CDH4: variants seen among roughly 807,000 people sequenced by gnomAD.
CDH4 encodes cadherin 4.
In CDH4, 33 loss-of-function variants were observed where a neutral mutation model predicts 86.0. The observed-to-expected ratio is 0.38, with a 90% confidence interval of 0.29 to 0.51. The LOEUF (loss-of-function observed/expected upper bound fraction) is 0.51. Ranked by LOEUF, CDH4 falls within the 20% of genes least tolerant of loss-of-function variation. The pLI is 0.86. For synonymous variants in CDH4, 555 were observed against 549.4 expected (o/e 1.01, Z -0.14); for missense variants, 1,114 against 1,307.4 (o/e 0.85, Z 2.28).
chr20:61,718,000 A>G (rs2087983662), intron 2 of CDH4: 1 of 152,394 alleles, frequency 6.6e-6, no homozygotes, highest in Non-Finnish European at 1.5e-5. Context: ...GTCCCCTACA[A>G]CCTCACACAT....
intron 2 of CDH4, among the ~76,000 whole-genome samples, chr20:61,615,793 G>A (rs981172993): frequency 3.3e-5 from 5 of 152,184 alleles, no homozygotes; most frequent in Non-Finnish European, 7.3e-5. Flanking sequence ...TTGCACTTCC[G>A]GATTTTGGGT....
chr20:61,566,051 G>C (rs917000538), intron 2 of CDH4, among the ~76,000 whole-genome samples: 1 of 152,228 alleles, frequency 6.6e-6, no homozygotes, highest in Non-Finnish European at 1.5e-5. Flanking sequence ...CAGTGCCACA[G>C]CCGGTGGGTC....
intron 6 of CDH4, among the ~76,000 whole-genome samples, chr20:61,865,916 T>G (rs1983529290): frequency 6.6e-6 from 1 of 152,196 alleles, no homozygotes; most frequent in African/African-American, 2.4e-5. Context: ...CTTAGTTTCC[T>G]GGGCTGCTTA....
chr20:61,562,440 G>A (rs185734833), intron 2 of CDH4, among the ~76,000 whole-genome samples: 17 of 151,388 alleles, frequency 1.1e-4, no homozygotes, highest in Middle Eastern at 3.5e-3. Context: ...CAGGACTCCC[G>A]GAGAGAGAGA....
chr20:61,570,333 G>A (rs2086332271), intron 2 of CDH4: 1 of 263,624 alleles, frequency 3.8e-6, no homozygotes, highest in Admixed American at 4.7e-5. Flanking sequence ...TGAGGCTGGT[G>A]AAGAGTGAAA....
chr20:61,570,767 G>T (rs1330698584), intron 2 of CDH4: 1 of 702,398 alleles, frequency 1.4e-6, no homozygotes, highest in Non-Finnish European at 2.6e-6. Context: ...GCCACGGCTT[G>T]TGATGATGCC....
chr20:61,639,064 T>C (rs1218832004), intron 2 of CDH4, among the ~76,000 whole-genome samples: 2 of 152,212 alleles, frequency 1.3e-5, no homozygotes. Context: ...AATGAACACG[T>C]GCATAAGTGA....
chr20:61,531,498 G>T (rs1408738226), intron 2 of CDH4, among the ~76,000 whole-genome samples: 3 of 142,766 alleles, frequency 2.1e-5, no homozygotes, highest in African/African-American at 8.5e-5. Flanking sequence ...AAAAAAAAGG[G>T]ATTTAGCAAA....
intron 2 of CDH4, among the ~76,000 whole-genome samples, chr20:61,493,296 T>C (rs897767263): frequency 6.6e-6 from 1 of 152,154 alleles, no homozygotes; most frequent in Non-Finnish European, 1.5e-5. Flanking sequence ...TTCCATCATA[T>C]GTGAAGCGTG....
chr20:61,524,958 T>TA (rs1243878913), intron 2 of CDH4, among the ~76,000 whole-genome samples: 1 of 152,148 alleles, frequency 6.6e-6, no homozygotes, highest in Non-Finnish European at 1.5e-5. Context: ...ATCTTTCATT[T>TA]AAAAAAACCT....
chr20:61,608,337 A>C (rs1338255595), intron 2 of CDH4, among the ~76,000 whole-genome samples: 1 of 152,162 alleles, frequency 6.6e-6, no homozygotes, highest in Non-Finnish European at 1.5e-5. Flanking sequence ...CCAGTCAAAG[A>C]GAAGTTGCAG....
intron 2 of CDH4, among the ~76,000 whole-genome samples, chr20:61,475,855 T>C (rs2085532956): frequency 6.6e-6 from 1 of 151,884 alleles, no homozygotes; most frequent in Non-Finnish European, 1.5e-5. Flanking sequence ...AGTGTGTTTT[T>C]ATACTAATTC....
At chr20:61,667,533 G>A (rs773974172) in intron 2 of CDH4, among the ~76,000 whole-genome samples, 1 of 152,238 alleles carries the variant, frequency 6.6e-6, no homozygotes, top group Non-Finnish European at 1.5e-5. Context: ...CTGGCATAAT[G>A]CGCCCAGACG....
intron 2 of CDH4, among the ~76,000 whole-genome samples, chr20:61,405,999 G>T (rs1266378350): frequency 3.3e-5 from 5 of 152,180 alleles, no homozygotes; most frequent in East Asian, 3.8e-4. Flanking sequence ...TATAATTGAT[G>T]AACTTAATCA....
chr20:61,532,482 A>G (rs960355481), intron 2 of CDH4, among the ~76,000 whole-genome samples: 6 of 152,198 alleles, frequency 3.9e-5, no homozygotes, highest in Non-Finnish European at 7.3e-5. Context: ...CCTGTGACTC[A>G]TCTTTAAAAA....
chr20:61,442,269 G>A (rs117513119), intron 2 of CDH4, among the ~76,000 whole-genome samples: 2,767 of 152,290 alleles, frequency 0.018, 37 homozygotes, highest in Non-Finnish European at 0.031. Flanking sequence ...TGTGTCCGAG[G>A]AAGGGCCGCA....
intron 2 of CDH4, among the ~76,000 whole-genome samples, chr20:61,680,350 G>A (rs1297152744): frequency 6.6e-6 from 1 of 152,198 alleles, no homozygotes; most frequent in East Asian, 1.9e-4. Flanking sequence ...GCTGGGCAAG[G>A]CCCAAATGGC....
chr20:61,592,230 A>G (rs2086523867), intron 2 of CDH4, among the ~76,000 whole-genome samples: 1 of 152,212 alleles, frequency 6.6e-6, no homozygotes, highest in Non-Finnish European at 1.5e-5. Flanking sequence ...TTAAGAGTCA[A>G]GAAGTCAAGA....
At chr20:61,795,822 G>A (rs1979504263) in intron 4 of CDH4, among the ~76,000 whole-genome samples, 1 of 39,842 alleles carries the variant, frequency 2.5e-5, no homozygotes, top group Admixed American at 2.6e-4. Context: ...CAGAAGCAAT[G>A]TTGCATGAGT....
Sources: gnomAD v4.1 joint callset for allele counts (sites outside exome capture counted in the v4.1 genomes callset) on GRCh38, gnomAD v4.1.1 for gene constraint, MANE v1.5 for transcripts, NCBI Gene and HGNC (gene_info 2026-07-23, HGNC 2026-07-21) for gene names.